The following DRC11 variants were observed in gnomAD, a reference collection of about 807,000 sequenced individuals.
The protein encoded by DRC11 is dynein regulatory complex subunit 11.
At chr2:236,458,566 G>A in the DRC11 span, among the ~76,000 whole-genome samples, 1 of 152,088 alleles carries the variant, frequency 6.6e-6, no homozygotes, top group African/African-American at 2.4e-5. Flanking sequence ...GTAATTTGTG[G>A]GGCCCAAGTA....
the DRC11 span, chr2:236,465,699 A>G: frequency 2.5e-6 from 4 of 1,607,760 alleles, no homozygotes; most frequent in African/African-American, 1.3e-5. This position sits in a 1 kb window ranked among gnomAD's most constrained non-coding sequence, Gnocchi z 6.2. Flanking sequence ...CATTAAAGAG[A>G]GGAGGTGGAT....
chr2:236,440,909 CA>C, the DRC11 span: 2 of 626,252 alleles, frequency 3.2e-6, no homozygotes, highest in Non-Finnish European at 5.6e-6. Context: ...GATGAACACC[CA>C]AAAGTATTTC....
At chr2:236,441,127 GC>G in the DRC11 span, 1 of 1,548,058 alleles carries the variant, frequency 6.5e-7, no homozygotes, top group Non-Finnish European at 8.8e-7. Flanking sequence ...TTAAATTTCT[GC>G]AGGAAAAAAA....
At chr2:236,495,547 GTCTC>G in the DRC11 span, among the ~76,000 whole-genome samples, 1 of 152,166 alleles carries the variant, frequency 6.6e-6, no homozygotes. The surrounding 1 kb of genome is among the most constrained non-coding windows in gnomAD (Gnocchi z 5.6). Flanking sequence ...CACCATATAT[GTCTC>G]TCTATGAGGT....
the DRC11 span, among the ~76,000 whole-genome samples, chr2:236,392,799 C>A: frequency 6.6e-6 from 1 of 152,092 alleles, no homozygotes; most frequent in Non-Finnish European, 1.5e-5. This position sits in a 1 kb window ranked among gnomAD's most constrained non-coding sequence, Gnocchi z 5.1. Flanking sequence ...TATCCCTTGC[C>A]TCCTATTACA....
At chr2:236,464,550 T>G in the DRC11 span, among the ~76,000 whole-genome samples, 1 of 152,226 alleles carries the variant, frequency 6.6e-6, no homozygotes, top group Non-Finnish European at 1.5e-5. Flanking sequence ...GTAAACAAGT[T>G]TTAACTCATT....
At chr2:236,318,344 G>T in the DRC11 span, among the ~76,000 whole-genome samples, 1 of 152,218 alleles carries the variant, frequency 6.6e-6, no homozygotes, top group Non-Finnish European at 1.5e-5. This position sits in a 1 kb window ranked among gnomAD's most constrained non-coding sequence, Gnocchi z 7.0. Flanking sequence ...AGGCCCAGGG[G>T]TGTGCAGGCC....
At chr2:236,425,306 T>C in the DRC11 span, among the ~76,000 whole-genome samples, 1 of 152,026 alleles carries the variant, frequency 6.6e-6, no homozygotes, top group East Asian at 1.9e-4. Context: ...TTCTCTCACA[T>C]CCTTGCCAAC....
At chr2:236,400,996 G>A in the DRC11 span, among the ~76,000 whole-genome samples, 3 of 152,142 alleles carry the variant, frequency 2.0e-5, no homozygotes, top group Non-Finnish European at 4.4e-5. The surrounding 1 kb of genome is among the most constrained non-coding windows in gnomAD (Gnocchi z 7.9). Context: ...CTTCTCTCCT[G>A]CTGGAAGGGG....
the DRC11 span, among the ~76,000 whole-genome samples, chr2:236,364,180 G>A: frequency 1.0e-3 from 152 of 150,756 alleles, no homozygotes; most frequent in African/African-American, 3.6e-3. Flanking sequence ...GTCAGGGCTC[G>A]TGGTAGAGCC....
chr2:236,434,766 T>C, the DRC11 span, among the ~76,000 whole-genome samples: 1 of 152,340 alleles, frequency 6.6e-6, no homozygotes, highest in African/African-American at 2.4e-5. The surrounding 1 kb of genome is among the most constrained non-coding windows in gnomAD (Gnocchi z 5.5). Context: ...AATTTAGATG[T>C]TCTACCAACA....
At chr2:236,468,641 G>A in the DRC11 span, among the ~76,000 whole-genome samples, 95 of 152,038 alleles carry the variant, frequency 6.2e-4, 1 homozygote, top group African/African-American at 2.0e-3. Flanking sequence ...TTCTTATGTC[G>A]TCCAGGTAAT....
chr2:236,354,190 C>T, the DRC11 span, among the ~76,000 whole-genome samples: 1 of 88,432 alleles, frequency 1.1e-5, no homozygotes, highest in Non-Finnish European at 2.4e-5. Flanking sequence ...TGTCTGTGGT[C>T]AATGTGTGTG....
the DRC11 span, among the ~76,000 whole-genome samples, chr2:236,458,872 C>T: frequency 6.6e-6 from 1 of 152,112 alleles, no homozygotes; most frequent in Admixed American, 6.6e-5. Flanking sequence ...TGGTGAAACC[C>T]TGTCTCTACT....
chr2:236,465,556 T>C, the DRC11 span: 1 of 1,614,020 alleles, frequency 6.2e-7, no homozygotes, highest in Non-Finnish European at 8.5e-7. The surrounding 1 kb of genome is among the most constrained non-coding windows in gnomAD (Gnocchi z 6.2). Context: ...CTCCTTGATA[T>C]CCACGCCTTC....
the DRC11 span, among the ~76,000 whole-genome samples, chr2:236,428,159 T>C: frequency 3.3e-5 from 5 of 152,166 alleles, no homozygotes; most frequent in East Asian, 9.6e-4. Context: ...GAATATATGA[T>C]TTGTCCTGGG....
the DRC11 span, among the ~76,000 whole-genome samples, chr2:236,349,603 C>A: frequency 6.6e-6 from 1 of 152,190 alleles, no homozygotes; most frequent in Non-Finnish European, 1.5e-5. This position sits in a 1 kb window ranked among gnomAD's most constrained non-coding sequence, Gnocchi z 5.5. Flanking sequence ...TTATCCTTTC[C>A]TTAGCAAGTT....
the DRC11 span, among the ~76,000 whole-genome samples, chr2:236,365,897 G>A: frequency 2.0e-5 from 3 of 152,068 alleles, no homozygotes; most frequent in Non-Finnish European, 4.4e-5. The surrounding 1 kb of genome is among the most constrained non-coding windows in gnomAD (Gnocchi z 7.4). Flanking sequence ...TCCAGTTTTC[G>A]CACCTGAGCC....
chr2:236,404,719 A>G, the DRC11 span, among the ~76,000 whole-genome samples: 1 of 152,214 alleles, frequency 6.6e-6, no homozygotes, highest in Non-Finnish European at 1.5e-5. Flanking sequence ...ATGTAGACAG[A>G]TATCTCCTGC....
Sources: gnomAD v4.1 joint callset for allele counts (sites outside exome capture counted in the v4.1 genomes callset) on GRCh38, gnomAD v4.1.1 for gene constraint, Gnocchi (gnomAD v3.1) non-coding constraint, MANE v1.5 for transcripts, NCBI Gene and HGNC (gene_info 2026-07-23, HGNC 2026-07-21) for gene names.